The following CNTN1 variants were observed in gnomAD, a reference collection of about 807,000 sequenced individuals.
CNTN1 encodes contactin-1.
A neutral mutation model predicts 126.4 loss-of-function variants in CNTN1; 38 were observed. The ratio of observed to expected loss-of-function variants is 0.30; its 90% CI spans 0.23 to 0.39. The LOEUF (loss-of-function observed/expected upper bound fraction) is 0.39, where lower values mean the gene tolerates loss of function less well. Ranked by LOEUF, CNTN1 falls within the 10% of genes least tolerant of loss-of-function variation. The probability of loss-of-function intolerance (pLI) is 1.00; values close to 1 mark genes in which losing one functional copy is unlikely to be tolerated. For missense variants in CNTN1, 1,009 were observed against 1,248.4 expected (o/e 0.81, Z 2.89); for synonymous variants, 413 against 422.6 (o/e 0.98, Z 0.28).
chr12:40,722,631 C>T (rs1260287111), intron 1 of CNTN1, among the ~76,000 whole-genome samples: 1 of 152,082 alleles, frequency 6.6e-6, no homozygotes, highest in African/African-American at 2.4e-5. Flanking sequence ...CACATGCACG[C>T]ACACACTATC....
At chr12:40,865,271 C>A (rs368126835) in intron 1 of CNTN1, among the ~76,000 whole-genome samples, 42 of 152,148 alleles carry the variant, frequency 2.8e-4, no homozygotes, top group African/African-American at 8.7e-4. Context: ...ATATGTCTTG[C>A]AAATATTTTG....
chr12:40,937,328 C>G (rs563736675), intron 10 of CNTN1, among the ~76,000 whole-genome samples: 2 of 152,156 alleles, frequency 1.3e-5, no homozygotes, highest in African/African-American at 4.8e-5. Flanking sequence ...AATCTCCCAG[C>G]TGGTCCAAGA....
At chr12:40,988,371 A>G (rs1948018260) in intron 16 of CNTN1, among the ~76,000 whole-genome samples, 1 of 152,104 alleles carries the variant, frequency 6.6e-6, no homozygotes, top group South Asian at 2.1e-4. Context: ...AAATACCAGG[A>G]CTCACTCAGG....
At chr12:40,952,481 A>G (rs760847142) in intron 14 of CNTN1, among the ~76,000 whole-genome samples, 1 of 152,134 alleles carries the variant, frequency 6.6e-6, no homozygotes, top group African/African-American at 2.4e-5. Flanking sequence ...TAGTATCAGT[A>G]GTGGCAGTAA....
intron 1 of CNTN1, among the ~76,000 whole-genome samples, chr12:40,851,883 T>C (rs1287968870): frequency 6.6e-6 from 1 of 152,128 alleles, no homozygotes; most frequent in African/African-American, 2.4e-5. Context: ...ATTGATGGCA[T>C]TTCATAGGAC....
chr12:40,863,068 G>T (rs1943170352), intron 1 of CNTN1, among the ~76,000 whole-genome samples: 1 of 152,132 alleles, frequency 6.6e-6, no homozygotes. Flanking sequence ...CATTGAGGAA[G>T]ATGTTCATGA....
chr12:40,951,298 C>T (rs1346895635), intron 14 of CNTN1, among the ~76,000 whole-genome samples: 2 of 152,050 alleles, frequency 1.3e-5, no homozygotes, highest in African/African-American at 4.8e-5. Context: ...TTCAACACGT[C>T]TACTCTTAAT....
At chr12:40,981,758 C>A (rs1374992436) in intron 16 of CNTN1, among the ~76,000 whole-genome samples, 1 of 151,934 alleles carries the variant, frequency 6.6e-6, no homozygotes, top group Non-Finnish European at 1.5e-5. Context: ...AGATTGAAGA[C>A]CTTTTTGATA....
intron 23 of CNTN1, among the ~76,000 whole-genome samples, chr12:41,069,474 T>G (rs141886305): frequency 0.011 from 1,713 of 152,222 alleles, 30 homozygotes; most frequent in African/African-American, 0.039. Flanking sequence ...TTAGGGTACA[T>G]GTGCACAATG....
chr12:40,948,119 T>C (rs938721068), intron 14 of CNTN1, among the ~76,000 whole-genome samples: 1 of 151,948 alleles, frequency 6.6e-6, no homozygotes, highest in Non-Finnish European at 1.5e-5. Context: ...AAAGAGTGCA[T>C]ATAGAGACTT....
At chr12:40,817,974 A>G (rs767151140) in intron 1 of CNTN1, among the ~76,000 whole-genome samples, 37 of 152,030 alleles carry the variant, frequency 2.4e-4, no homozygotes, top group African/African-American at 8.5e-4. Context: ...TCTTTCCTTT[A>G]AGGTTGAATA....
Position 40,767,554 on chromosome 12 carries a change from C to T in CNTN1, c.-77+74962C>T, listed in dbSNP as rs567681853. ...CGATCTCCTGACCTCTTGATCCGCC[C>T]GCCTTGGCCTCCCAAAGTGCTGGGA... is the stretch of plus-strand genomic sequence containing the variant. On this transcript the variant is annotated intron_variant, in intron 1 of 23. Coordinates refer to ENST00000551295, the MANE Select transcript of CNTN1 (RefSeq NM_001843.4). Among the ~76,000 whole-genome samples the T allele has an allele frequency of 1.8e-4, 27 of 152,068 alleles. No individual in the cohort carries two copies. The East Asian group carries it at 2.9e-3, about 16-fold the overall frequency.
chr12:40,750,111 C>T (rs1465209488), intron 1 of CNTN1, among the ~76,000 whole-genome samples: 1 of 151,918 alleles, frequency 6.6e-6, no homozygotes, highest in Non-Finnish European at 1.5e-5. Context: ...GGAATGGAGA[C>T]AGTATTAACA....
At chr12:40,709,126 A>T (rs962257208) in intron 1 of CNTN1, among the ~76,000 whole-genome samples, 2 of 152,194 alleles carry the variant, frequency 1.3e-5, no homozygotes, top group East Asian at 1.9e-4. Context: ...AATAAAAAAA[A>T]CTTGAAAGTC....
At chr12:41,036,266 G>T (rs1949260131) in intron 23 of CNTN1, among the ~76,000 whole-genome samples, 1 of 152,142 alleles carries the variant, frequency 6.6e-6, no homozygotes, top group African/African-American at 2.4e-5. Context: ...TGGCAGGAGA[G>T]TCTGGAGGGA....
At chr12:40,877,111 T>A (rs187410516) in intron 1 of CNTN1, among the ~76,000 whole-genome samples, 2 of 152,258 alleles carry the variant, frequency 1.3e-5, no homozygotes, top group Non-Finnish European at 2.9e-5. Flanking sequence ...AGTTGGCATA[T>A]TTTCCCTTCG....
At chr12:40,702,010 A>T (rs1309333323) in intron 1 of CNTN1, among the ~76,000 whole-genome samples, 1 of 152,168 alleles carries the variant, frequency 6.6e-6, no homozygotes, top group East Asian at 1.9e-4. Context: ...TTCTCCAAAG[A>T]TAGCTTCTGA....
chr12:41,017,881 T>C (rs1489512963), intron 19 of CNTN1, among the ~76,000 whole-genome samples: 1 of 151,934 alleles, frequency 6.6e-6, no homozygotes. Context: ...CACCTGAGGT[T>C]GGGAGTTCGA....
At chr12:40,768,165 A>T (rs1186851284) in intron 1 of CNTN1, among the ~76,000 whole-genome samples, 4 of 152,202 alleles carry the variant, frequency 2.6e-5, no homozygotes, top group Non-Finnish European at 5.9e-5. Flanking sequence ...ATAATTTACA[A>T]ATTATTAATA....
Sources: gnomAD v4.1 joint callset for allele counts (sites outside exome capture counted in the v4.1 genomes callset) on GRCh38, gnomAD v4.1.1 for gene constraint, MANE v1.5 for transcripts, NCBI Gene and HGNC (gene_info 2026-07-23, HGNC 2026-07-21) for gene names.